Variants in SNTG1 observed in about 807,000 individuals in gnomAD.
SNTG1 encodes gamma-1-syntrophin.
Under a neutral mutation model 74.7 loss-of-function variants are expected in SNTG1, and 39 were observed. The ratio of observed to expected loss-of-function variants is 0.52; its 90% confidence interval spans 0.40 to 0.68. The LOEUF is 0.68. SNTG1 is among the 30% of genes least tolerant of loss of function. SNTG1 has a pLI of 0.00. For synonymous variants in SNTG1, 254 were observed against 217.1 expected (o/e 1.17, Z -1.49); for missense variants, 685 against 609.5 (o/e 1.12, Z -1.30).
At chr8:50,178,105 T>C (rs990929296) in intron 2 of SNTG1, among the ~76,000 whole-genome samples, 19 of 152,186 alleles carry the variant, frequency 1.2e-4, no homozygotes, top group African/African-American at 4.6e-4. Context: ...ATTTATTCAT[T>C]CGTCTTCTGA....
chr8:50,387,810 G>A (rs889688410), intron 2 of SNTG1, among the ~76,000 whole-genome samples: 10 of 152,064 alleles, frequency 6.6e-5, no homozygotes, highest in Non-Finnish European at 1.3e-4. Context: ...ACCTATAAAA[G>A]AAAAGAGGGT....
intron 1 of SNTG1, among the ~76,000 whole-genome samples, chr8:50,106,445 A>G (rs374467250): frequency 1.6e-4 from 25 of 152,190 alleles, no homozygotes; most frequent in Non-Finnish European, 3.5e-4. Context: ...TCACAGTACT[A>G]TGTTGAATAG....
At chr8:50,619,454 G>A (rs1467405642) in intron 13 of SNTG1, among the ~76,000 whole-genome samples, 1 of 152,036 alleles carries the variant, frequency 6.6e-6, no homozygotes. Flanking sequence ...CACAGGGGCC[G>A]GGCAAGGTGG....
intron 1 of SNTG1, among the ~76,000 whole-genome samples, chr8:49,978,112 T>C (rs1812356069): frequency 6.6e-6 from 1 of 152,194 alleles, no homozygotes; most frequent in South Asian, 2.1e-4. Context: ...TGTTGAAATG[T>C]AGGTCACTCT....
At chr8:50,725,407 T>G (rs962391875) in intron 17 of SNTG1, among the ~76,000 whole-genome samples, 3 of 152,158 alleles carry the variant, frequency 2.0e-5, no homozygotes, top group African/African-American at 7.2e-5. Context: ...AAGTTGAGTC[T>G]AAAACATCAA....
At chr8:50,614,944 CTT>C (rs1217362389) in intron 13 of SNTG1, among the ~76,000 whole-genome samples, 9 of 136,694 alleles carry the variant, frequency 6.6e-5, no homozygotes, top group African/African-American at 5.3e-5. Flanking sequence ...GTAGTTTTTT[CTT>C]TTTTTTTTTT....
intron 2 of SNTG1, among the ~76,000 whole-genome samples, chr8:50,212,779 C>A (rs1296681204): frequency 1.3e-5 from 2 of 152,094 alleles, no homozygotes; most frequent in East Asian, 3.9e-4. Context: ...ACAGTTTTGT[C>A]CATGAGGCAG....
intron 2 of SNTG1, among the ~76,000 whole-genome samples, chr8:50,348,291 T>TAAGGCACA (rs1376932057): frequency 6.6e-6 from 1 of 152,148 alleles, no homozygotes; most frequent in Non-Finnish European, 1.5e-5. Context: ...GGAAGGCATA[T>TAAGGCACA]TTTCATTCCA....
chr8:49,934,834 A>G (rs1208073044), intron 1 of SNTG1, among the ~76,000 whole-genome samples: 1 of 152,150 alleles, frequency 6.6e-6, no homozygotes. Context: ...TGAAACTTCC[A>G]TCAGCAAAAT....
At chr8:50,660,129 C>T (rs745481809) in intron 15 of SNTG1, among the ~76,000 whole-genome samples, 4 of 151,530 alleles carry the variant, frequency 2.6e-5, no homozygotes, top group African/African-American at 4.9e-5. Flanking sequence ...CATGAGCCAC[C>T]GCGCCAGGGC....
At chr8:50,074,331 C>T (rs760244431) in intron 1 of SNTG1, among the ~76,000 whole-genome samples, 2 of 152,156 alleles carry the variant, frequency 1.3e-5, no homozygotes, top group African/African-American at 2.4e-5. Context: ...AGAGTTATGG[C>T]CTTGCTGTGG....
At chr8:50,237,951 A>G (rs1287663516) in intron 2 of SNTG1, among the ~76,000 whole-genome samples, 1 of 152,140 alleles carries the variant, frequency 6.6e-6, no homozygotes, top group Non-Finnish European at 1.5e-5. Flanking sequence ...TTTGCCTATT[A>G]CTAGAATGAT....
At chr8:50,551,445 A>G (rs575861130) in intron 11 of SNTG1, among the ~76,000 whole-genome samples, 2 of 152,282 alleles carry the variant, frequency 1.3e-5, no homozygotes, top group East Asian at 3.9e-4. Context: ...TCTAGCTGCT[A>G]TTTAAAGCAG....
intron 2 of SNTG1, among the ~76,000 whole-genome samples, chr8:50,244,752 C>A (rs2086316868): frequency 6.6e-6 from 1 of 152,078 alleles, no homozygotes; most frequent in South Asian, 2.1e-4. Context: ...AATGTAAGAC[C>A]ACATAATGGT....
intron 17 of SNTG1, among the ~76,000 whole-genome samples, chr8:50,729,791 A>AG (rs2095508519): frequency 6.6e-6 from 1 of 152,210 alleles, no homozygotes; most frequent in Non-Finnish European, 1.5e-5. Context: ...GTCATACTTA[A>AG]GGGGAATTCT....
At chr8:50,143,935 G>T (rs1044500484) in intron 1 of SNTG1, among the ~76,000 whole-genome samples, 1 of 152,058 alleles carries the variant, frequency 6.6e-6, no homozygotes, top group Non-Finnish European at 1.5e-5. Flanking sequence ...TTAACATGAG[G>T]TAGCTGAGAA....
At position 50,155,150 on chromosome 8, in the gene SNTG1, A is replaced by G. The variant is rs148120288; in HGVS notation, c.-102-17411A>G. 5.4e-3 allele frequency among the ~76,000 whole-genome samples: 817 copies of G among 152,332 alleles called. 13 individuals are homozygous for G. The highest frequency in any genetic ancestry group is 0.019 in the African/African-American group (776 of 41,572). On this transcript the variant is annotated intron_variant, in intron 1 of 18. Coordinates refer to ENST00000642720, the MANE Select transcript of SNTG1 (RefSeq NM_018967.5). Reference sequence around the variant, plus strand: ...GCCACCATGCTTGAAACAAAGTTGTAGTGCTGCTGCATTTGAAAGCTCAAA... The same window carrying G: ...GCCACCATGCTTGAAACAAAGTTGTGGTGCTGCTGCATTTGAAAGCTCAAA...
chr8:50,358,747 G>A (rs2091884564), intron 2 of SNTG1, among the ~76,000 whole-genome samples: 2 of 152,100 alleles, frequency 1.3e-5, no homozygotes, highest in South Asian at 4.1e-4. Flanking sequence ...TTCAAATGTA[G>A]CCAATAAATT....
rs2084752272 is a variant in SNTG1, at chr8:50,215,628, A to G, written c.-28+42993A>G. Among the ~76,000 whole-genome samples the G allele has an allele frequency of 1.3e-5, 2 of 151,782 alleles. 1 individual carries two copies. The highest frequency in any genetic ancestry group is 4.1e-4 in the South Asian group (2 of 4,830). ...GATAAATTATAGCTTAATTTAAAAA[A>G]TAATTTTAAAAGTATTATCAATCCA... On this transcript the variant is annotated intron_variant, in intron 2 of 18. Transcript: ENST00000642720.
Sources: allele counts gnomAD v4.1 joint callset (sites outside exome capture counted in the v4.1 genomes callset), GRCh38; gene constraint gnomAD v4.1.1; transcripts MANE v1.5; gene names NCBI Gene and HGNC (gene_info 2026-07-23, HGNC 2026-07-21).